KDM4C: variants seen among roughly 807,000 people sequenced by gnomAD.
The protein encoded by KDM4C is lysine demethylase 4C.
Under a neutral mutation model 129.3 loss-of-function variants are expected in KDM4C, and 81 were observed. That is an observed-to-expected ratio of 0.63 (90% CI 0.52 to 0.75). The LOEUF is 0.75. Among genes scored for constraint, KDM4C ranks in the 30% least tolerant of loss-of-function variants. The pLI is 0.00. For missense variants in KDM4C, 1,457 were observed against 1,304.0 expected (o/e 1.12, Z -1.81); for synonymous variants, 573 against 456.1 (o/e 1.26, Z -3.26).
chr9:6,870,483 T>A (rs1563732508), intron 5 of KDM4C, among the ~76,000 whole-genome samples: 1 of 152,000 alleles, frequency 6.6e-6, no homozygotes, highest in Non-Finnish European at 1.5e-5. Flanking sequence ...CCTCATTAGT[T>A]AAATGGAGGT....
chr9:7,153,642 T>C (rs1331971271), intron 19 of KDM4C, among the ~76,000 whole-genome samples: 3 of 152,076 alleles, frequency 2.0e-5, no homozygotes, highest in Admixed American at 2.0e-4. Flanking sequence ...TTCTTTCCAT[T>C]TTGTGGGAGG....
chr9:7,067,112 A>T (rs1832530898), intron 17 of KDM4C, among the ~76,000 whole-genome samples: 1 of 152,208 alleles, frequency 6.6e-6, no homozygotes, highest in Non-Finnish European at 1.5e-5. Flanking sequence ...CCTAGCACTG[A>T]ATATATGTGC....
intron 4 of KDM4C, among the ~76,000 whole-genome samples, chr9:6,837,494 C>G (rs1350233325): frequency 6.6e-6 from 1 of 152,184 alleles, no homozygotes; most frequent in Non-Finnish European, 1.5e-5. Flanking sequence ...GCTTTAAAAG[C>G]TTCTTCATGC....
At chr9:6,747,616 A>G (rs1377620491) in intron 1 of KDM4C, among the ~76,000 whole-genome samples, 1 of 152,148 alleles carries the variant, frequency 6.6e-6, no homozygotes, top group Non-Finnish European at 1.5e-5. Flanking sequence ...TCTGGAAACA[A>G]TCCACTGTAT....
chr9:6,988,172 A>G (rs928339459), intron 11 of KDM4C, among the ~76,000 whole-genome samples: 4 of 151,232 alleles, frequency 2.6e-5, no homozygotes, highest in Non-Finnish European at 5.9e-5. Context: ...AAAAAAAAAA[A>G]AAAAAAAAAA....
intron 11 of KDM4C, among the ~76,000 whole-genome samples, chr9:6,987,587 A>T (rs1436841920): frequency 6.6e-6 from 1 of 152,184 alleles, no homozygotes; most frequent in Non-Finnish European, 1.5e-5. Flanking sequence ...TGCTGGTTTC[A>T]ACTCAAAATA....
intron 8 of KDM4C, among the ~76,000 whole-genome samples, chr9:6,956,395 A>G (rs1344043206): frequency 6.6e-6 from 1 of 152,168 alleles, no homozygotes; most frequent in Non-Finnish European, 1.5e-5. Context: ...TACCCATAAA[A>G]ATTTAAAAAA....
chr9:7,026,399 A>G (rs1825827573), intron 15 of KDM4C, among the ~76,000 whole-genome samples: 1 of 151,732 alleles, frequency 6.6e-6, no homozygotes, highest in Non-Finnish European at 1.5e-5. Flanking sequence ...TAAATATGTC[A>G]TGACACTCTC....
At chr9:7,019,558 T>C (rs1402284205) in intron 15 of KDM4C, among the ~76,000 whole-genome samples, 1 of 151,588 alleles carries the variant, frequency 6.6e-6, no homozygotes, top group Non-Finnish European at 1.5e-5. Flanking sequence ...CAAATTTAAT[T>C]GTTCTGTTGG....
At chr9:7,050,681 A>G (rs1830037969) in intron 17 of KDM4C, among the ~76,000 whole-genome samples, 1 of 152,140 alleles carries the variant, frequency 6.6e-6, no homozygotes, top group Non-Finnish European at 1.5e-5. Context: ...TTACCAGTGC[A>G]GTGCCCCTCA....
chr9:6,973,621 T>C (rs960911466), intron 8 of KDM4C, among the ~76,000 whole-genome samples: 10 of 152,216 alleles, frequency 6.6e-5, no homozygotes, highest in African/African-American at 9.6e-5. Flanking sequence ...ATTTGAAAAT[T>C]GTTATTTTTG....
At chr9:6,986,730 C>T (rs913024942) in intron 11 of KDM4C, 64 bp downstream of exon 11, 12 of 1,189,012 alleles carry the variant, frequency 1.0e-5, no homozygotes, top group Non-Finnish European at 1.4e-5. Context: ...TTGAAAACAA[C>T]ATGCTGTGCA....
chr9:6,749,510 TA>T (rs982242414), intron 1 of KDM4C, among the ~76,000 whole-genome samples: 1 of 151,460 alleles, frequency 6.6e-6, no homozygotes, highest in African/African-American at 2.4e-5. Flanking sequence ...AAAAATAAAT[TA>T]AAAAAAATTA....
At chr9:6,850,103 C>G (rs1838571026) in intron 5 of KDM4C, among the ~76,000 whole-genome samples, 1 of 152,220 alleles carries the variant, frequency 6.6e-6, no homozygotes, top group Non-Finnish European at 1.5e-5. Flanking sequence ...AAGCAATAAG[C>G]TATGCCATAT....
intron 18 of KDM4C, among the ~76,000 whole-genome samples, chr9:7,126,609 C>T (rs1360398414): frequency 6.6e-6 from 1 of 152,170 alleles, no homozygotes; most frequent in Admixed American, 6.5e-5. Context: ...TTGATATACG[C>T]ATGTGTGTAT....
At chr9:7,157,291 A>G (rs949457895) in intron 19 of KDM4C, among the ~76,000 whole-genome samples, 6 of 152,204 alleles carry the variant, frequency 3.9e-5, no homozygotes, top group East Asian at 1.9e-4. Flanking sequence ...CAATTATGTC[A>G]TGTGCAGACA....
At chr9:6,964,869 A>G (rs1451059048) in intron 8 of KDM4C, among the ~76,000 whole-genome samples, 10 of 147,974 alleles carry the variant, frequency 6.8e-5, no homozygotes, top group Non-Finnish European at 1.2e-4. Flanking sequence ...CAGGAGAATC[A>G]CTTGAGCCCA....
At chr9:7,036,311 C>T (rs879284018) in intron 15 of KDM4C, among the ~76,000 whole-genome samples, 1 of 152,064 alleles carries the variant, frequency 6.6e-6, no homozygotes, top group Non-Finnish European at 1.5e-5. Flanking sequence ...ATTTGAAAAC[C>T]AAATGTTGTA....
At chr9:6,752,552 A>G (rs1188564687) in intron 1 of KDM4C, among the ~76,000 whole-genome samples, 1 of 150,556 alleles carries the variant, frequency 6.6e-6, no homozygotes, top group Non-Finnish European at 1.5e-5. Context: ...CTGGGTTTAC[A>G]GGCATGCACC....
Sources: allele counts gnomAD v4.1 joint callset (sites outside exome capture counted in the v4.1 genomes callset), GRCh38; gene constraint gnomAD v4.1.1; transcripts MANE v1.5; gene names NCBI Gene and HGNC (gene_info 2026-07-23, HGNC 2026-07-21).